The following ABCA4 variants were observed in gnomAD, a reference collection of about 807,000 sequenced individuals.
ABCA4 encodes the protein retinal-specific phospholipid-transporting ATPase ABCA4.
ABCA4 carries 196 observed loss-of-function variants against 263.7 expected under a neutral mutation model. The observed-to-expected ratio is 0.74, with a 90% CI of 0.66 to 0.84. The LOEUF is 0.84. Among genes scored for constraint, ABCA4 ranks in the 40% least tolerant of loss-of-function variants. The probability of loss-of-function intolerance (pLI) is 0.00; values close to 1 mark genes in which losing one functional copy is unlikely to be tolerated. For synonymous variants in ABCA4, 1,133 were observed against 1,094.2 expected, an observed-to-expected ratio of 1.04 and a Z score of -0.70; for missense variants, 2,792 against 2,855.1, an observed-to-expected ratio of 0.98 and a Z score of 0.50.
In ABCA4 at chr1:94,064,092, G is replaced by T. The variant is rs1007941695; in HGVS notation, c.1555-775C>A. ...AACCTCCTGTTCCTATCATTGTGAG[G>T]GCTATTGGTGTCGACATTTCTTTCT... On this transcript the variant is annotated intron_variant, in intron 11 of 49. Coordinates refer to ENST00000370225, the MANE Select transcript of ABCA4 (RefSeq NM_000350.3). Among the ~76,000 whole-genome samples, 9 of 152,232 alleles carry T rather than the reference G, an allele frequency of 5.9e-5. No homozygotes were observed. In the East Asian group the frequency reaches 1.7e-3, roughly 29 times the overall value.
intron 36 of ABCA4, among the ~76,000 whole-genome samples, chr1:94,017,770 T>G (rs1369684626): frequency 1.3e-5 from 2 of 152,132 alleles, no homozygotes; most frequent in Non-Finnish European, 2.9e-5. Flanking sequence ...AGGGGCATCT[T>G]GCTGAGAAGT....
chr1:94,116,817 C>G (rs1323349078), intron 1 of ABCA4, among the ~76,000 whole-genome samples: 1 of 152,136 alleles, frequency 6.6e-6, no homozygotes, highest in Non-Finnish European at 1.5e-5. Flanking sequence ...CCCTACCCTG[C>G]CCTTTACACA....
At chr1:94,044,296 T>C (rs1014133236) in intron 20 of ABCA4, among the ~76,000 whole-genome samples, 1 of 152,234 alleles carries the variant, frequency 6.6e-6, no homozygotes, top group African/African-American at 2.4e-5. Flanking sequence ...CTCCTGTCTT[T>C]GGTCCCAGAG....
intron 17 of ABCA4, among the ~76,000 whole-genome samples, chr1:94,051,412 T>C (rs1454785354): frequency 6.6e-6 from 1 of 152,162 alleles, no homozygotes; most frequent in Non-Finnish European, 1.5e-5. Context: ...CAGGGCTTCA[T>C]CCATGATCAG....
intron 3 of ABCA4, 122 bp downstream of exon 3, chr1:94,111,316 A>AG: frequency 7.4e-7 from 1 of 1,344,154 alleles, no homozygotes; most frequent in Non-Finnish European, 1.0e-6. Flanking sequence ...CTAAGAGGTT[A>AG]GGGGCTCAGC....
At chr1:94,017,144 A>G (rs1354263867) in intron 36 of ABCA4, among the ~76,000 whole-genome samples, 2 of 152,350 alleles carry the variant, frequency 1.3e-5, no homozygotes, top group East Asian at 3.9e-4. Flanking sequence ...AAAATTGTAT[A>G]ATGAATAGGA....
chr1:94,090,000 C>T (rs535121075), intron 6 of ABCA4, among the ~76,000 whole-genome samples: 35 of 152,288 alleles, frequency 2.3e-4, no homozygotes, highest in East Asian at 1.2e-3. Context: ...GGACAGGATG[C>T]CCTCCCATGG....
chr1:94,080,809 C>T (rs1385148854), intron 7 of ABCA4, 91 bp from the exon 8 acceptor site: 5 of 1,562,092 alleles, frequency 3.2e-6, no homozygotes, highest in African/African-American at 2.7e-5. Flanking sequence ...GTTTGACTTC[C>T]ACATTTAAAA....
intron 32 of ABCA4, among the ~76,000 whole-genome samples, chr1:94,022,979 G>T (rs1252775551): frequency 6.6e-6 from 1 of 152,240 alleles, no homozygotes; most frequent in African/African-American, 2.4e-5. Context: ...CAACCTCCAG[G>T]ATGCCTCAGG....
At chr1:94,117,384 T>C (rs1662820011) in intron 1 of ABCA4, among the ~76,000 whole-genome samples, 1 of 152,058 alleles carries the variant, frequency 6.6e-6, no homozygotes, top group Non-Finnish European at 1.5e-5. Context: ...GGCTTGATGC[T>C]GAACCCAGGA....
intron 37 of ABCA4, 73 bp downstream of exon 37, chr1:94,015,666 T>G: frequency 1.5e-6 from 2 of 1,291,982 alleles, no homozygotes; most frequent in South Asian, 2.5e-5. Flanking sequence ...AGGTTTTCTG[T>G]CAGGAGATGA....
At chr1:94,011,417 G>T in intron 38 of ABCA4, 32 bp from the exon 39 acceptor site, 2 of 1,605,324 alleles carry the variant, frequency 1.2e-6, no homozygotes, top group South Asian at 2.2e-5. Flanking sequence ...GTTGGAAACG[G>T]GGCAAACCCC....
intron 7 of ABCA4, among the ~76,000 whole-genome samples, chr1:94,081,679 C>A (rs2101108941): frequency 6.6e-6 from 1 of 152,182 alleles, no homozygotes; most frequent in East Asian, 1.9e-4. Context: ...ATGAAGTATC[C>A]ATTCCTGGAA....
chr1:94,096,871 C>A (rs1292690993), intron 6 of ABCA4, among the ~76,000 whole-genome samples: 1 of 152,172 alleles, frequency 6.6e-6, no homozygotes, highest in Non-Finnish European at 1.5e-5. Context: ...GGTACCCAGG[C>A]CCTGCCTGCA....
intron 31 of ABCA4, among the ~76,000 whole-genome samples, chr1:94,024,399 A>T (rs1222593624): frequency 6.6e-6 from 1 of 152,230 alleles, no homozygotes. Flanking sequence ...GTTCATTGGC[A>T]TCTCAAAGGG....
chr1:94,115,813 C>A (rs1662743891), intron 1 of ABCA4, among the ~76,000 whole-genome samples: 1 of 152,154 alleles, frequency 6.6e-6, no homozygotes, highest in Admixed American at 6.5e-5. Flanking sequence ...TTATCTGCAA[C>A]CTTGTAGGCC....
chr1:94,036,153 C>T (rs560506485), intron 26 of ABCA4, among the ~76,000 whole-genome samples: 1 of 152,002 alleles, frequency 6.6e-6, no homozygotes, highest in South Asian at 2.1e-4. Flanking sequence ...GATGACATGG[C>T]AGGCCGAGAG....
rs757743942 is a variant in ABCA4, at chr1:94,014,539, T to A, written c.5460+4A>T. On this transcript the variant is annotated splice_donor_region_variant and intron_variant, in intron 38 of 49. Transcript: ENST00000370225. ...AACAAAAAAGCCAAGAAAGTTATGC[T>A]CACCCGGTTATTCTCAAATAATTCC... is the stretch of plus-strand genomic sequence containing the variant. 1 of 1,614,142 alleles carries A rather than the reference T, an allele frequency of 6.2e-7. No homozygotes were observed. Among genetic ancestry groups the A allele is most frequent in the East Asian group, 2.2e-5 (1 of 44,874 alleles).
At chr1:94,041,046 G>A (rs1660471415) in intron 23 of ABCA4, among the ~76,000 whole-genome samples, 163 bp downstream of exon 23, 1 of 152,182 alleles carries the variant, frequency 6.6e-6, no homozygotes, top group Non-Finnish European at 1.5e-5. Context: ...TGTAGGAGGA[G>A]GCTTCAGAAT....
Sources: allele counts gnomAD v4.1 joint callset (sites outside exome capture counted in the v4.1 genomes callset), GRCh38; gene constraint gnomAD v4.1.1; transcripts MANE v1.5; gene names NCBI Gene and HGNC (gene_info 2026-07-23, HGNC 2026-07-21).